CLASP1: variants seen among roughly 807,000 people sequenced by gnomAD.
The protein encoded by CLASP1 is cytoplasmic linker associated protein 1.
Under a neutral mutation model 192.3 loss-of-function variants are expected in CLASP1, and 38 were observed. The ratio of observed to expected loss-of-function variants is 0.20; its 90% CI spans 0.15 to 0.26. CLASP1 has a LOEUF of 0.26. Ranked by LOEUF, CLASP1 falls within the 10% of genes least tolerant of loss-of-function variation. The probability of loss-of-function intolerance (pLI) is 1.00; values close to 1 mark genes in which losing one functional copy is unlikely to be tolerated. For synonymous variants in CLASP1, 691 were observed against 712.8 expected, an observed-to-expected ratio of 0.97 and a Z score of 0.49; for missense variants, 1,433 against 1,932.5, an observed-to-expected ratio of 0.74 and a Z score of 4.85.
At chr2:121,594,842 A>T (rs2062935333) in intron 2 of CLASP1, among the ~76,000 whole-genome samples, 1 of 152,248 alleles carries the variant, frequency 6.6e-6, no homozygotes, top group African/African-American at 2.4e-5. Flanking sequence ...ATAATAATAG[A>T]GAAAACAAGA....
At chr2:121,507,448 CA>C (rs1359647394) in intron 7 of CLASP1, among the ~76,000 whole-genome samples, 4 of 152,082 alleles carry the variant, frequency 2.6e-5, no homozygotes, top group Non-Finnish European at 5.9e-5. Flanking sequence ...GATCATCTTA[CA>C]AAACCAATGT....
intron 9 of CLASP1, among the ~76,000 whole-genome samples, chr2:121,466,154 C>T (rs927944432): frequency 6.6e-6 from 1 of 152,114 alleles, no homozygotes; most frequent in Non-Finnish European, 1.5e-5. Flanking sequence ...TTAAAAGGAA[C>T]AAAGTATTGA....
chr2:121,570,605 C>G (rs2059900079), intron 2 of CLASP1, among the ~76,000 whole-genome samples: 1 of 152,198 alleles, frequency 6.6e-6, no homozygotes, highest in African/African-American at 2.4e-5. Context: ...CCCGGCTTCT[C>G]CCTTCAAAAG....
At chr2:121,591,270 C>G (rs2062370680) in intron 2 of CLASP1, among the ~76,000 whole-genome samples, 1 of 152,060 alleles carries the variant, frequency 6.6e-6, no homozygotes, top group South Asian at 2.1e-4. Context: ...TATCCATAGC[C>G]AATAAATTGT....
intron 37 of CLASP1, among the ~76,000 whole-genome samples, chr2:121,350,836 G>C (rs1358678438): frequency 6.6e-6 from 1 of 152,220 alleles, no homozygotes; most frequent in Admixed American, 6.5e-5. Flanking sequence ...CTTTCTCTCA[G>C]GGCGGTAAGA....
intron 8 of CLASP1, among the ~76,000 whole-genome samples, chr2:121,477,931 G>A (rs1218685682): frequency 6.6e-6 from 1 of 152,178 alleles, no homozygotes; most frequent in East Asian, 1.9e-4. Flanking sequence ...ATTCCCATAA[G>A]CTGATGCTTA....
chr2:121,429,992 T>C (rs1433563228), intron 20 of CLASP1, 81 bp downstream of exon 20: 7 of 1,071,462 alleles, frequency 6.5e-6, no homozygotes, highest in Admixed American at 2.1e-5. Flanking sequence ...GAAGTCAATA[T>C]AGAGATTGTA....
At chr2:121,610,588 AAGG>A (rs1310012200) in intron 1 of CLASP1, among the ~76,000 whole-genome samples, 15 of 41,652 alleles carry the variant, frequency 3.6e-4, no homozygotes, top group Admixed American at 2.7e-3. Context: ...GGAACTGGAG[AAGG>A]AGGAGGAGGA....
chr2:121,419,492 C>T (rs2079137907), intron 22 of CLASP1, among the ~76,000 whole-genome samples: 1 of 152,134 alleles, frequency 6.6e-6, no homozygotes, highest in South Asian at 2.1e-4. Context: ...CACACTGTGT[C>T]TAGAGCAAGT....
chr2:121,481,982 T>C (rs913222498), intron 8 of CLASP1, among the ~76,000 whole-genome samples: 1 of 152,196 alleles, frequency 6.6e-6, no homozygotes, highest in Admixed American at 6.5e-5. Flanking sequence ...ATATGACCTA[T>C]GAATCCAAAA....
intron 2 of CLASP1, among the ~76,000 whole-genome samples, chr2:121,568,276 C>G (rs1175259540): frequency 6.6e-6 from 1 of 151,952 alleles, no homozygotes; most frequent in Non-Finnish European, 1.5e-5. Flanking sequence ...TCAAAGAGAC[C>G]TAGCTTCCAC....
chr2:121,509,949 A>G (rs990613353), intron 7 of CLASP1, among the ~76,000 whole-genome samples: 1 of 152,222 alleles, frequency 6.6e-6, no homozygotes, highest in Non-Finnish European at 1.5e-5. Flanking sequence ...AAGAAATAAG[A>G]AACAAACAAA....
intron 37 of CLASP1, among the ~76,000 whole-genome samples, chr2:121,355,260 G>A (rs1392304857): frequency 6.6e-6 from 1 of 152,108 alleles, no homozygotes; most frequent in Non-Finnish European, 1.5e-5. Flanking sequence ...CCGAGTAGCT[G>A]GGACTACAGG....
intron 2 of CLASP1, among the ~76,000 whole-genome samples, chr2:121,594,008 C>CA (rs1234796800): frequency 1.5e-5 from 2 of 129,642 alleles, no homozygotes; most frequent in Admixed American, 7.8e-5. Flanking sequence ...AACTCCGTCT[C>CA]AAAAAAAAGG....
At chr2:121,566,761 T>C (rs1234389641) in intron 2 of CLASP1, among the ~76,000 whole-genome samples, 2 of 152,158 alleles carry the variant, frequency 1.3e-5, no homozygotes, top group Non-Finnish European at 2.9e-5. Flanking sequence ...CCATCCTCAA[T>C]CTCATTACCT....
rs201777191 is a variant in CLASP1, at chr2:121,438,339, GT to G, written c.1913-8163del. 3.4e-3 allele frequency among the ~76,000 whole-genome samples: 511 copies of G among 152,166 alleles called. 4 individuals are homozygous for G. The highest frequency in any genetic ancestry group is 7.6e-3 in the African/African-American group (316 of 41,506). On this transcript the variant is annotated intron_variant, in intron 19 of 39. Coordinates refer to ENST00000263710, the Ensembl canonical transcript of CLASP1. ...TACAAATTATGAGAAAAGATTAGGG[GT>G]TTTTTTTCCCCCTCTGTTTAAGGCA...
At chr2:121,622,388 T>C (rs930438794) in intron 1 of CLASP1, among the ~76,000 whole-genome samples, 2 of 151,436 alleles carry the variant, frequency 1.3e-5, no homozygotes, top group Non-Finnish European at 2.9e-5. Context: ...CTGGGCAACA[T>C]GGAGAAACCT....
chr2:121,365,253 G>T lies in CLASP1; in HGVS notation c.3918C>A (p.Asp1306Glu), dbSNP rs545160672. Reference sequence around the variant, plus strand: ...TGTGGTTGGACAGCTCTTTCAGAAGGTCAGCCACCAGGTCAGAATGGTCGA... The same window carrying T: ...TGTGGTTGGACAGCTCTTTCAGAAGTTCAGCCACCAGGTCAGAATGGTCGA... Residue 1306 changes from aspartate (D) to glutamate (E), a missense_variant, in exon 36 of 40, where the codon GAC becomes GAA. Asp to Glu is a conservative substitution (Grantham distance 45). Coordinates refer to ENST00000263710, the Ensembl canonical transcript of CLASP1. 4.3e-6 allele frequency: 7 copies of T among 1,613,390 alleles called. No individual in the cohort carries two copies. In the South Asian group the frequency reaches 5.5e-5, roughly 13 times the overall value.
chr2:121,502,205 A>G (rs1192545605), intron 8 of CLASP1, among the ~76,000 whole-genome samples: 1 of 152,204 alleles, frequency 6.6e-6, no homozygotes, highest in Non-Finnish European at 1.5e-5. Context: ...TTATTCAACA[A>G]TACTTACTGC....
Sources: gnomAD v4.1 joint callset for allele counts (sites outside exome capture counted in the v4.1 genomes callset) on GRCh38, gnomAD v4.1.1 for gene constraint, MANE v1.5 for transcripts, NCBI Gene and HGNC (gene_info 2026-07-23, HGNC 2026-07-21) for gene names.